The following PGAP1 variants were observed in gnomAD, a reference collection of about 807,000 sequenced individuals.
PGAP1 encodes post-GPI attachment to proteins inositol deacylase 1, also known as GPI inositol-deacylase.
PGAP1 carries 76 observed loss-of-function variants against 127.0 expected under a neutral mutation model. That is an observed-to-expected ratio of 0.60 (90% CI 0.50 to 0.72). PGAP1 has a LOEUF of 0.72. Ranked by LOEUF, PGAP1 falls within the 30% of genes least tolerant of loss-of-function variation. PGAP1 has a pLI of 0.00. For synonymous variants in PGAP1, 362 were observed against 366.5 expected, an observed-to-expected ratio of 0.99 and a Z score of 0.14; for missense variants, 982 against 1,071.3, an observed-to-expected ratio of 0.92 and a Z score of 1.16.
intron 21 of PGAP1, 26 bp from the exon 22 acceptor site, chr2:196,847,226 C>CA (rs1559330363): frequency 2.6e-6 from 4 of 1,538,724 alleles, no homozygotes; most frequent in Middle Eastern, 1.7e-4. Flanking sequence ...AATATAAAAG[C>CA]AAAAAACCCA....
intron 19 of PGAP1, among the ~76,000 whole-genome samples, chr2:196,865,761 G>GCCT (rs57677307): frequency 0.12 from 18,415 of 151,974 alleles, 1,496 homozygotes; most frequent in African/African-American, 0.24. Flanking sequence ...ACGTTATAGT[G>GCCT]CAAGTCATTC....
intron 2 of PGAP1, among the ~76,000 whole-genome samples, chr2:196,917,860 A>G (rs1703066918): frequency 6.6e-6 from 1 of 152,036 alleles, no homozygotes; most frequent in African/African-American, 2.4e-5. Flanking sequence ...TAGGAGTGGA[A>G]TTTTTGGGCC....
chr2:196,852,418 T>C (rs1260484441), intron 20 of PGAP1, among the ~76,000 whole-genome samples: 1 of 152,062 alleles, frequency 6.6e-6, no homozygotes, highest in Non-Finnish European at 1.5e-5. Context: ...TAAATACTAA[T>C]AAGTGACAGT....
intron 10 of PGAP1, 145 bp from the exon 11 acceptor site, chr2:196,886,025 G>T: frequency 2.3e-6 from 1 of 437,368 alleles, no homozygotes; most frequent in Non-Finnish European, 4.0e-6. Context: ...GCTTATTGTT[G>T]AGAAACATAT....
At chr2:196,883,541 G>A (rs1701799132) in intron 12 of PGAP1, among the ~76,000 whole-genome samples, 1 of 152,146 alleles carries the variant, frequency 6.6e-6, no homozygotes, top group South Asian at 2.1e-4. Context: ...CATTAATTAG[G>A]AAGAACTTGG....
chr2:196,915,349 A>C (rs1702971726), intron 3 of PGAP1, among the ~76,000 whole-genome samples: 1 of 152,150 alleles, frequency 6.6e-6, no homozygotes, highest in South Asian at 2.1e-4. Flanking sequence ...TCAACCTCTC[A>C]GTAATTATCT....
At chr2:196,915,958 C>T (rs866621559) in intron 3 of PGAP1, among the ~76,000 whole-genome samples, 5 of 152,246 alleles carry the variant, frequency 3.3e-5, no homozygotes, top group South Asian at 2.1e-4. Context: ...AAAACGCTTC[C>T]GGGCAGAAAT....
Position 196,890,849 on chromosome 2 carries a change from G to T in PGAP1, c.1152C>A (p.Val384=). The change falls in exon 10 of 27, where the codon GTC becomes GTA. Residue 384 remains valine (V), a synonymous_variant. Coordinates refer to ENST00000354764, the MANE Select transcript of PGAP1 (RefSeq NM_024989.4). Reference sequence around the variant, plus strand: ...TTACCAGCATAGTGCTCTGACAATAGACATGAGTGTAGATTTTTCTATGAT... The same window carrying T: ...TTACCAGCATAGTGCTCTGACAATATACATGAGTGTAGATTTTTCTATGAT... The part of the protein sequence containing the change: ...LENHRKIYTH[V]YCQSTMLDTN... 6.5e-7 allele frequency: 1 copy of T among 1,541,640 alleles called. No individual in the cohort carries two copies. Among genetic ancestry groups the T allele is most frequent in the South Asian group, 1.1e-5 (1 of 89,342 alleles).
rs1311690557 is a variant in PGAP1, at chr2:196,838,167, A to G, written c.*3067T>C. On this transcript the variant is annotated 3_prime_UTR_variant, in exon 27 of 27. Transcript: ENST00000354764. ...CCCAGTGTTTTCCTCTGTACAGACT[A>G]TATTTGATCTGGTTATCAACAATAG... The G allele has an allele frequency of 1.3e-5, 2 of 152,324 alleles. No individual in the cohort carries two copies. The highest frequency in any genetic ancestry group is 2.1e-4 in the South Asian group (1 of 4,830). The allele number at this position is 152,324 out of a possible 1,614,324, so 9.4% of individuals were successfully genotyped here. A position where few individuals can be genotyped will look rare whatever the true frequency, so the allele number is the denominator to read the frequency against.
chr2:196,917,971 T>C (rs1703071502), intron 2 of PGAP1, among the ~76,000 whole-genome samples: 1 of 152,178 alleles, frequency 6.6e-6, no homozygotes, highest in African/African-American at 2.4e-5. Context: ...AGGGTTCCAA[T>C]TTCTCCACAT....
chr2:196,913,462 G>A (rs1320438840), intron 3 of PGAP1, among the ~76,000 whole-genome samples: 2 of 152,142 alleles, frequency 1.3e-5, no homozygotes, highest in African/African-American at 2.4e-5. Context: ...TTACAGTTGC[G>A]ATAGCAATAT....
At chr2:196,869,370 C>G (rs1324302797) in intron 19 of PGAP1, among the ~76,000 whole-genome samples, 1 of 152,112 alleles carries the variant, frequency 6.6e-6, no homozygotes, top group Non-Finnish European at 1.5e-5. Flanking sequence ...GAGTCTTGCT[C>G]TGTTGCCCAG....
chr2:196,914,926 C>T (rs1046718676), intron 3 of PGAP1, among the ~76,000 whole-genome samples: 1 of 151,654 alleles, frequency 6.6e-6, no homozygotes, highest in African/African-American at 2.4e-5. Flanking sequence ...AGTAGATCCT[C>T]CTACCTCAGC....
At chr2:196,905,625 G>C (rs905067241) in intron 4 of PGAP1, among the ~76,000 whole-genome samples, 6 of 152,020 alleles carry the variant, frequency 3.9e-5, no homozygotes, top group African/African-American at 9.7e-5. Context: ...GAACAGCTCC[G>C]GTCTACAGCT....
chr2:196,843,958 C>G lies in PGAP1; in HGVS notation c.2455G>C (p.Val819Leu), dbSNP rs750685558. The part of the protein sequence containing the change: ...AEDSLRMHST[V>L]INLLTWIVLL... The stretch of plus-strand genomic sequence containing the variant: ...ACAATCCATGTTAGTAAGTTAATCA[C>G]AGTACTGTGCATGCGAAGGCTATCT... The change falls in exon 25 of 27, where the codon GTG becomes CTG. Residue 819 changes from valine (V) to leucine (L), a missense_variant. By Grantham distance (32) the Val-to-Leu change is conservative. Coordinates refer to ENST00000354764, the MANE Select transcript of PGAP1 (RefSeq NM_024989.4). 6.2e-7 allele frequency: 1 copy of G among 1,605,642 alleles called. No individual in the cohort carries two copies. The highest frequency in any genetic ancestry group is 8.5e-7 in the Non-Finnish European group (1 of 1,174,570).
Position 196,838,163 on chromosome 2 carries a change from G to A in PGAP1, c.*3071C>T, listed in dbSNP as rs1225082291. 5 of 152,170 alleles carry A rather than the reference G, an allele frequency of 3.3e-5. No homozygotes were observed. Among genetic ancestry groups the A allele is most frequent in the Non-Finnish European group, 7.4e-5 (5 of 68,020 alleles). 9.4% of individuals were successfully genotyped at this position (152,170 alleles called of 1,614,324 possible). A position where few individuals can be genotyped will look rare whatever the true frequency, so the allele number is the denominator to read the frequency against. ...TGTTCCCAGTGTTTTCCTCTGTACA[G>A]ACTATATTTGATCTGGTTATCAACA... On this transcript the variant is annotated 3_prime_UTR_variant, in exon 27 of 27. Transcript: ENST00000354764.
In PGAP1 at chr2:196,920,077, T is replaced by A; in HGVS notation, c.221A>T (p.Tyr74Phe). The stretch of plus-strand genomic sequence containing the variant: ...AGGGAGAATTTTGTGTTCTTCAGCA[T>A]AGGATCCCTCTCCATAAAGATACAA... ...YELYLYGEGSYAEEHKILPLT... is the reference protein window; with the variant it reads ...YELYLYGEGSFAEEHKILPLT... The change falls in exon 2 of 27, where the codon TAT becomes TTT. Residue 74 changes from tyrosine to phenylalanine, a missense_variant. By Grantham distance (22) the Tyr-to-Phe change is conservative (BLOSUM62 3). Coordinates refer to ENST00000354764, the MANE Select transcript of PGAP1 (RefSeq NM_024989.4). 6.2e-7 allele frequency: 1 copy of A among 1,613,516 alleles called. No individual in the cohort carries two copies. Among genetic ancestry groups the A allele is most frequent in the Middle Eastern group, 1.6e-4 (1 of 6,062 alleles).
At chr2:196,924,138 G>A (rs1703297699) in intron 1 of PGAP1, among the ~76,000 whole-genome samples, 1 of 152,046 alleles carries the variant, frequency 6.6e-6, no homozygotes, top group Non-Finnish European at 1.5e-5. Flanking sequence ...TTTGCAAAGA[G>A]TTTCAAATTT....
chr2:196,885,814 C>T lies in PGAP1; in HGVS notation c.1220+20G>A, dbSNP rs1426906674. ...TATTGTTTATGTTGAGATAAATGAA[C>T]ATGCATTCAAAAGACTTACCACATA... On this transcript the variant is annotated intron_variant, in intron 11 of 26. Transcript: ENST00000354764. 2 of 1,386,854 alleles carry T rather than the reference C, an allele frequency of 1.4e-6. No individual in the cohort carries two copies. Among genetic ancestry groups the T allele is most frequent in the Admixed American group, 2.8e-5 (1 of 35,590 alleles). The allele number at this position is 1,386,854 out of a possible 1,614,324, so 85.9% of individuals were successfully genotyped here. A position where few individuals can be genotyped will look rare whatever the true frequency, so the allele number is the denominator to read the frequency against.
Sources: allele counts gnomAD v4.1 joint callset (sites outside exome capture counted in the v4.1 genomes callset), GRCh38; gene constraint gnomAD v4.1.1; transcripts MANE v1.5; gene names NCBI Gene and HGNC (gene_info 2026-07-23, HGNC 2026-07-21).